WASHC5: variants seen among roughly 807,000 people sequenced by gnomAD.
WASHC5 encodes WASH complex subunit 5, also known as WASH complex subunit strumpellin.
In WASHC5, 101 loss-of-function variants were observed where a neutral mutation model predicts 150.4. The ratio of observed to expected loss-of-function variants is 0.67; its 90% CI spans 0.57 to 0.79. The LOEUF (loss-of-function observed/expected upper bound fraction) is 0.79, where lower values mean the gene tolerates loss of function less well. WASHC5 is among the 30% of genes least tolerant of loss of function. The pLI, the probability that WASHC5 is intolerant of heterozygous loss-of-function variation, is 0.00. For missense variants in WASHC5, 1,195 were observed against 1,396.3 expected, an observed-to-expected ratio of 0.86 and a Z score of 2.30; for synonymous variants, 467 against 491.2, an observed-to-expected ratio of 0.95 and a Z score of 0.65.
chr8:125,081,898 T>C lies in WASHC5; in HGVS notation c.418-137A>G, dbSNP rs947937064. On this transcript the variant is annotated intron_variant, in intron 4 of 28. Transcript: ENST00000318410. ...GATTTCAAGGAAAAGGTAGGTTTCC[T>C]CCAAGGAGCTCTTACCTTCTTGCCG... is the stretch of plus-strand genomic sequence containing the variant. 4 of 690,298 alleles carry C rather than the reference T, an allele frequency of 5.8e-6. No homozygotes were observed. In the African/African-American group the frequency reaches 7.1e-5, roughly 12 times the overall value. 42.8% of individuals were successfully genotyped at this position (690,298 alleles called of 1,614,324 possible).
At position 125,028,853 on chromosome 8, in the gene WASHC5, CAAGTT is replaced by C. The variant is rs1815445726; in HGVS notation, c.3336-151_3336-147del. 7 of 672,072 alleles carry C rather than the reference CAAGTT, an allele frequency of 1.0e-5. No homozygotes were observed. The East Asian group carries it at 1.1e-4, about 11-fold the overall frequency. The allele number at this position is 672,072 out of a possible 1,614,324, so 41.6% of individuals were successfully genotyped here. On this transcript the variant is annotated intron_variant, in intron 27 of 28. Transcript: ENST00000318410. ...CATTGAGCATGCTCTTAATTCCTGT[CAAGTT>C]GTTACCTTGCTCATGTATTTTCAGG...
At chr8:125,035,064 T>TAG (rs5894744) in intron 26 of WASHC5, among the ~76,000 whole-genome samples, 25,128 of 152,072 alleles carry the variant, frequency 0.17, 3,864 homozygotes, top group African/African-American at 0.41. Context: ...TGGAACAGAA[T>TAG]AGTCTAGAGA....
intron 27 of WASHC5, among the ~76,000 whole-genome samples, chr8:125,032,034 C>T (rs956872495): frequency 6.6e-5 from 10 of 152,080 alleles, no homozygotes; most frequent in South Asian, 2.1e-4. Flanking sequence ...GTGAGTAGAC[C>T]GGATGGAGTT....
In WASHC5 at chr8:125,083,408, A is replaced by T. The variant is rs1053032683; in HGVS notation, c.187-150T>A. 9 of 736,268 alleles carry T rather than the reference A, an allele frequency of 1.2e-5. No homozygotes were observed. The African/African-American group carries it at 1.4e-4, about 12-fold the overall frequency. 45.6% of individuals were successfully genotyped at this position (736,268 alleles called of 1,614,324 possible). ...AAAGTAGTGAAGATAATAGAAGCCTAGATATAAAATCCCTTTGAGAGAAAT... is the reference window on the plus strand; with the variant it reads ...AAAGTAGTGAAGATAATAGAAGCCTTGATATAAAATCCCTTTGAGAGAAAT... On this transcript the variant is annotated intron_variant, in intron 2 of 28. Transcript: ENST00000318410.
intron 18 of WASHC5, 100 bp from the exon 19 acceptor site, chr8:125,049,285 G>T (rs1816167112): frequency 7.7e-7 from 1 of 1,292,854 alleles, no homozygotes; most frequent in Non-Finnish European, 1.1e-6. Flanking sequence ...CAGGCCAGAT[G>T]CGGTGGCTCC....
intron 10 of WASHC5, among the ~76,000 whole-genome samples, chr8:125,065,525 C>G (rs1373418255): frequency 1.3e-5 from 2 of 151,920 alleles, no homozygotes; most frequent in Non-Finnish European, 2.9e-5. Flanking sequence ...GATTTCCACT[C>G]AACAATGCTG....
At position 125,024,503 on chromosome 8, in the gene WASHC5, A is replaced by G; in HGVS notation, c.*114T>C. 1.3e-6 allele frequency: 1 copy of G among 788,254 alleles called. No individual in the cohort carries two copies. The allele number at this position is 788,254 out of a possible 1,614,324, so 48.8% of individuals were successfully genotyped here. On this transcript the variant is annotated 3_prime_UTR_variant, in exon 29 of 29. Coordinates refer to ENST00000318410, the MANE Select transcript of WASHC5 (RefSeq NM_014846.4). ...CAGAACGTCTGATGTTTCCCATAAT[A>G]GACAGAAAAAATGCAGTTGTATGAG...
At chr8:125,056,033 A>T (rs1010387053) in intron 16 of WASHC5, among the ~76,000 whole-genome samples, 4 of 152,232 alleles carry the variant, frequency 2.6e-5, no homozygotes, top group African/African-American at 9.6e-5. Context: ...CAATAGCAGC[A>T]GACATTGATA....
At chr8:125,033,991 C>G (rs1012596097) in intron 26 of WASHC5, among the ~76,000 whole-genome samples, 3 of 152,068 alleles carry the variant, frequency 2.0e-5, no homozygotes, top group Admixed American at 6.5e-5. Flanking sequence ...ATTCTCAAAA[C>G]ATATCTAATA....
rs140203497 is a variant in WASHC5 at position 125,078,897 on chromosome 8, G to A, written c.552C>T (p.Asp184=). The A allele has an allele frequency of 1.1e-4, 184 of 1,613,618 alleles. No homozygotes were observed. Among genetic ancestry groups the A allele is most frequent in the African/African-American group, 3.3e-4 (25 of 74,868 alleles). ...AARSSADSNM[D]DICKLLRSTG... is the part of the protein sequence containing the mutation. ...TACTTCGAAGCAGCTTACAAATATCGTCCATATTTGAATCAGCAGAAGATC... is the reference window on the plus strand; with the variant it reads ...TACTTCGAAGCAGCTTACAAATATCATCCATATTTGAATCAGCAGAAGATC... The change falls in exon 6 of 29, where the codon GAC becomes GAT. Residue 184 remains aspartate (D), a synonymous_variant. Coordinates refer to ENST00000318410, the MANE Select transcript of WASHC5 (RefSeq NM_014846.4).
In WASHC5 at chr8:125,043,845, A is replaced by T; in HGVS notation, c.2830T>A (p.Tyr944Asn). ...IAKTQKIWTA[Y>N]LEAIMKVGQM... is the part of the protein sequence containing the mutation. Reference sequence around the variant, plus strand: ...CATACCTTCATTATAGCCTCGAGATACGCAGTCCAAATCTTCTGTGTTTTG... The same window carrying T: ...CATACCTTCATTATAGCCTCGAGATTCGCAGTCCAAATCTTCTGTGTTTTG... Residue 944 changes from tyrosine to asparagine, a missense_variant, in exon 23 of 29, where the codon TAT becomes AAT. By Grantham distance (143) the Tyr-to-Asn change is moderately radical (BLOSUM62 -2). Transcript: ENST00000318410. The T allele has an allele frequency of 6.2e-7, 1 of 1,611,266 alleles. No homozygotes were observed. Among genetic ancestry groups the T allele is most frequent in the Non-Finnish European group, 8.5e-7 (1 of 1,177,428 alleles).
At chr8:125,075,691 A>G (rs546536476) in intron 7 of WASHC5, among the ~76,000 whole-genome samples, 1 of 152,312 alleles carries the variant, frequency 6.6e-6, no homozygotes, top group East Asian at 1.9e-4. Flanking sequence ...CTACCAATAA[A>G]TTGAAGGCCC....
In WASHC5 at chr8:125,024,460, C is replaced by T; in HGVS notation, c.*157G>A. On this transcript the variant is annotated 3_prime_UTR_variant, in exon 29 of 29. Coordinates refer to ENST00000318410, the MANE Select transcript of WASHC5 (RefSeq NM_014846.4). ...CAATATCAGTTATATTAACTAATGC[C>T]ATGAGATATATCTTACTCAGAACGT... The T allele has an allele frequency of 1.5e-6, 1 of 682,612 alleles. No individual in the cohort carries two copies. Among genetic ancestry groups the T allele is most frequent in the Non-Finnish European group, 2.7e-6 (1 of 370,788 alleles). 42.3% of individuals were successfully genotyped at this position (682,612 alleles called of 1,614,324 possible).
intron 11 of WASHC5, among the ~76,000 whole-genome samples, chr8:125,061,744 C>T (rs757831098): frequency 1.3e-5 from 2 of 152,156 alleles, no homozygotes; most frequent in Non-Finnish European, 2.9e-5. Flanking sequence ...AACCGGCAGA[C>T]ATTTCATACA....
chr8:125,044,684 A>G lies in WASHC5; in HGVS notation c.2519T>C (p.Ile840Thr). The change falls in exon 21 of 29, where the codon ATA becomes ACA. Residue 840 changes from isoleucine (I) to threonine (T), a missense_variant. Around this residue, in one of 3 missense-constraint regions of WASHC5, gnomAD observed 997 missense variants for 1,168.1 expected, o/e 0.85. Coordinates refer to ENST00000318410, the MANE Select transcript of WASHC5 (RefSeq NM_014846.4). Reference sequence around the variant, plus strand: ...ATCATACCAAGTGTTCAGCTGGTCTATGTGACATGTCATTCTAAAATGAAA... The same window carrying G: ...ATCATACCAAGTGTTCAGCTGGTCTGTGTGACATGTCATTCTAAAATGAAA... ...RITDPKMTCH[I>T]DQLNTWYDMK... 2 of 1,614,046 alleles carry G rather than the reference A, an allele frequency of 1.2e-6. No individual in the cohort carries two copies. The highest frequency in any genetic ancestry group is 1.7e-6 in the Non-Finnish European group (2 of 1,179,918).
chr8:125,032,788 C>G, intron 26 of WASHC5: 1 of 238,994 alleles, frequency 4.2e-6, no homozygotes, highest in Non-Finnish European at 8.4e-6. Context: ...AAGTGAAAAG[C>G]TGGATAAAAT....
chr8:125,034,926 C>A (rs1815654377), intron 26 of WASHC5, among the ~76,000 whole-genome samples: 1 of 152,204 alleles, frequency 6.6e-6, no homozygotes, highest in East Asian at 1.9e-4. Flanking sequence ...GTATGCATTT[C>A]ATAGGCCAAT....
Position 125,032,252 on chromosome 8 carries a change from C to T in WASHC5, c.3324G>A (p.Glu1108=). ...LIGQFICSTV[E]QCTSQKIPEI... is the part of the protein sequence containing the mutation. ...TTGGTCTTCTGTACCTTGTACACTG[C>T]TCCACCGTGGAGCAGATAAACTGGC... The change falls in exon 27 of 29, where the codon GAG becomes GAA. Residue 1108 remains glutamate, a synonymous_variant. Transcript: ENST00000318410. The T allele has an allele frequency of 1.9e-6, 3 of 1,614,132 alleles. No homozygotes were observed. The highest frequency in any genetic ancestry group is 2.5e-6 in the Non-Finnish European group (3 of 1,179,998).
At chr8:125,069,077 G>A (rs912377631) in intron 9 of WASHC5, among the ~76,000 whole-genome samples, 5 of 152,218 alleles carry the variant, frequency 3.3e-5, no homozygotes, top group African/African-American at 9.6e-5. Context: ...TTGTGTCAGC[G>A]TTAAGAGGTA....
Sources: gnomAD v4.1 joint callset for allele counts (sites outside exome capture counted in the v4.1 genomes callset) on GRCh38, gnomAD v4.1.1 for gene constraint, gnomAD v4.1.1 regional missense constraint, MANE v1.5 for transcripts, NCBI Gene and HGNC (gene_info 2026-07-23, HGNC 2026-07-21) for gene names.